Variants in TF observed in about 807,000 individuals in gnomAD.
The protein encoded by TF is transferrin.
TF carries 55 observed loss-of-function variants against 82.4 expected under a neutral mutation model. The observed-to-expected ratio is 0.67, with a 90% CI of 0.54 to 0.84. TF has a LOEUF of 0.84. Ranked by LOEUF, TF falls within the 40% of genes least tolerant of loss-of-function variation. The pLI is 0.00. For missense variants in TF, 737 were observed against 868.4 expected (o/e 0.85, Z 1.90); for synonymous variants, 332 against 332.6 (o/e 1.00, Z 0.02).
Position 133,746,407 on chromosome 3 carries a change from G to C in TF, c.-34G>C. On this transcript the variant is annotated 5_prime_UTR_variant, in exon 1 of 17. Transcript: ENST00000402696. ...CCGGAGGCTGCACAGAAGCGAGTCC[G>C]ACTGTGCTCGCTGCTCAGCGCCGCA... The C allele has an allele frequency of 2.5e-6, 4 of 1,586,188 alleles. No homozygotes were observed. The highest frequency in any genetic ancestry group is 3.4e-6 in the Non-Finnish European group (4 of 1,169,832).
In TF at chr3:133,780,534, C is replaced by T. The variant is rs1403947100; in HGVS notation, c.*1914C>T. 1 of 152,100 alleles carries T rather than the reference C, an allele frequency of 6.6e-6. No homozygotes were observed. Among genetic ancestry groups the T allele is most frequent in the Admixed American group, 6.5e-5 (1 of 15,272 alleles). 9.4% of individuals were successfully genotyped at this position (152,100 alleles called of 1,614,324 possible). A position where few individuals can be genotyped will look rare whatever the true frequency, so the allele number is the denominator to read the frequency against. ...ATACCTAATGATGAAGAAACAGAAGCATTCCTACTAAAGTTAGGAACATGA... is the reference window on the plus strand; with the variant it reads ...ATACCTAATGATGAAGAAACAGAAGTATTCCTACTAAAGTTAGGAACATGA... On this transcript the variant is annotated 3_prime_UTR_variant, in exon 17 of 17. Coordinates refer to ENST00000402696, the MANE Select transcript of TF (RefSeq NM_001063.4).
intron 16 of TF, chr3:133,777,652 G>A (rs995459579): frequency 1.0e-5 from 2 of 193,112 alleles, no homozygotes; most frequent in African/African-American, 4.7e-5. Context: ...ATCCCACCTA[G>A]CTGCATTTCA....
the TF span, among the ~76,000 whole-genome samples, chr3:133,713,570 T>C: frequency 2.2e-3 from 335 of 152,336 alleles, 1 homozygote; most frequent in African/African-American, 7.9e-3. Context: ...GCTTGTCTTA[T>C]AAGCATGTTA....
the TF span, among the ~76,000 whole-genome samples, chr3:133,733,116 T>G: frequency 1.3e-5 from 2 of 152,230 alleles, no homozygotes; most frequent in Non-Finnish European, 2.9e-5. Context: ...AAACCCCACT[T>G]CTGGGGGCCC....
chr3:133,754,492 C>A lies in TF; in HGVS notation c.326-3C>A. ...GCCTTCCATTCACACTGTGCCTTTG[C>A]AGATCCACAGACTTTCTATTATGCT... is the stretch of plus-strand genomic sequence containing the variant. On this transcript the variant is annotated splice_polypyrimidine_tract_variant and splice_region_variant and intron_variant, in intron 3 of 16. Transcript: ENST00000402696. 1.2e-6 allele frequency: 2 copies of A among 1,614,068 alleles called. No individual in the cohort carries two copies. Among genetic ancestry groups the A allele is most frequent in the Non-Finnish European group, 8.5e-7 (1 of 1,179,950 alleles).
rs373955170 is a variant in TF at position 133,756,890 on chromosome 3, C to T, written c.751C>T (p.Arg251Trp). 24 of 1,614,186 alleles carry T rather than the reference C, an allele frequency of 1.5e-5. No individual in the cohort carries two copies. The highest frequency in any genetic ancestry group is 3.3e-5 in the Admixed American group (2 of 60,026). Residue 251 changes from arginine (R) to tryptophan (W), a missense_variant, in exon 7 of 17, where the codon CGG (arginine) becomes TGG (tryptophan). Coordinates refer to ENST00000402696, the MANE Select transcript of TF (RefSeq NM_001063.4). ...TGAGCTGCTTTGCCTGGACAACACC[C>T]GGAAGCCGGTAGATGAATACAAGGA... ...QYELLCLDNT[R>W]KPVDEYKDCH...
At chr3:133,745,631 C>T (rs1416333701), upstream of TF, among the ~76,000 whole-genome samples, 5 of 152,232 alleles carry the variant, frequency 3.3e-5, no homozygotes, top group African/African-American at 4.8e-5. Flanking sequence ...TCCACTGGGC[C>T]GCTTGCTTTG....
chr3:133,756,194 T>G, intron 5 of TF, 88 bp from the exon 6 acceptor site: 2 of 1,312,346 alleles, frequency 1.5e-6, no homozygotes, highest in Non-Finnish European at 2.2e-6. Context: ...TATCCTAGTG[T>G]GAGTGCTGGA....
the TF span, among the ~76,000 whole-genome samples, chr3:133,726,970 G>A: frequency 7.0e-4 from 107 of 152,224 alleles, no homozygotes; most frequent in African/African-American, 2.5e-3. Context: ...GAGCGGTTTT[G>A]AGTGATTTTC....
upstream of TF, among the ~76,000 whole-genome samples, chr3:133,745,320 C>T (rs1048612931): frequency 3.3e-5 from 5 of 152,202 alleles, no homozygotes; most frequent in East Asian, 9.6e-4. Flanking sequence ...TCTGGATTTA[C>T]ACTTCGTGGA....
chr3:133,679,142 A>T, the TF span, among the ~76,000 whole-genome samples: 4 of 152,142 alleles, frequency 2.6e-5, no homozygotes, highest in African/African-American at 9.7e-5. Context: ...AAGTGTTGGG[A>T]TTACAGACAT....
chr3:133,729,808 C>T, the TF span, among the ~76,000 whole-genome samples: 1 of 152,086 alleles, frequency 6.6e-6, no homozygotes, highest in Admixed American at 6.5e-5. Flanking sequence ...TTGGCTCCTC[C>T]CCCCCGTTTG....
chr3:133,714,109 G>A, the TF span, among the ~76,000 whole-genome samples: 1 of 152,180 alleles, frequency 6.6e-6, no homozygotes, highest in Non-Finnish European at 1.5e-5. Flanking sequence ...TGGAGGAAGA[G>A]CAACGTAGGA....
intron 6 of TF, 31 bp downstream of exon 6, chr3:133,756,368 A>T: frequency 6.2e-7 from 1 of 1,610,624 alleles, no homozygotes; most frequent in Non-Finnish European, 8.5e-7. Context: ...CACCAGGGCC[A>T]CTCCAAGTAG....
the TF span, among the ~76,000 whole-genome samples, chr3:133,681,388 G>A: frequency 2.6e-5 from 4 of 152,332 alleles, no homozygotes; most frequent in East Asian, 1.9e-4. Context: ...AGCATGACCC[G>A]AAGCAGGGTG....
the TF span, among the ~76,000 whole-genome samples, chr3:133,706,494 C>A: frequency 2.0e-5 from 3 of 151,852 alleles, no homozygotes; most frequent in Non-Finnish European, 4.4e-5. Context: ...CCAGCAGCAT[C>A]AGCATCCCCT....
the TF span, among the ~76,000 whole-genome samples, chr3:133,737,191 T>C: frequency 6.6e-6 from 1 of 152,184 alleles, no homozygotes; most frequent in South Asian, 2.1e-4. Context: ...ACATGGAAAC[T>C]GAGCAACCTG....
the TF span, among the ~76,000 whole-genome samples, chr3:133,702,998 G>A: frequency 1.3e-5 from 2 of 151,948 alleles, no homozygotes; most frequent in Non-Finnish European, 2.9e-5. Context: ...AGGGACAGTT[G>A]GTATATTTTC....
At chr3:133,685,755 G>A in the TF span, among the ~76,000 whole-genome samples, 4 of 152,102 alleles carry the variant, frequency 2.6e-5, no homozygotes, top group African/African-American at 4.8e-5. Context: ...AATCAATTTC[G>A]TGAAAATGGC....
Sources: allele counts gnomAD v4.1 joint callset (sites outside exome capture counted in the v4.1 genomes callset), GRCh38; gene constraint gnomAD v4.1.1; transcripts MANE v1.5; gene names NCBI Gene and HGNC (gene_info 2026-07-23, HGNC 2026-07-21).